The following SORBS2 variants were observed in gnomAD, a reference collection of about 807,000 sequenced individuals.
The protein encoded by SORBS2 is sorbin and SH3 domain-containing protein 2.
A neutral mutation model predicts 97.7 loss-of-function variants in SORBS2; 46 were observed. The observed-to-expected ratio is 0.47, with a 90% CI of 0.37 to 0.60. SORBS2 has a LOEUF of 0.60. SORBS2 is among the 20% of genes least tolerant of loss of function. The pLI, the probability that SORBS2 is intolerant of heterozygous loss-of-function variation, is 0.00. For missense variants in SORBS2, 1,316 were observed against 1,282.3 expected (o/e 1.03, Z -0.40); for synonymous variants, 476 against 473.4 (o/e 1.01, Z -0.07).
intron 1 of SORBS2, among the ~76,000 whole-genome samples, chr4:185,869,336 G>T (rs2099229090): frequency 6.6e-6 from 1 of 152,162 alleles, no homozygotes. Context: ...ATAACTGCAG[G>T]TTAAACAAAT....
At chr4:185,827,913 AT>A in intron 1 of SORBS2, among the ~76,000 whole-genome samples, 1 of 147,716 alleles carries the variant, frequency 6.8e-6, no homozygotes. Context: ...TCATACCATC[AT>A]CATCATCATC....
chr4:185,730,761 G>T (rs576872610), intron 2 of SORBS2, among the ~76,000 whole-genome samples: 1 of 152,330 alleles, frequency 6.6e-6, no homozygotes, highest in South Asian at 2.1e-4. Flanking sequence ...ACAGACTTGG[G>T]CAGGTCCAGG....
At chr4:185,918,919 T>A (rs1472265284) in intron 1 of SORBS2, among the ~76,000 whole-genome samples, 1 of 152,196 alleles carries the variant, frequency 6.6e-6, no homozygotes, top group Non-Finnish European at 1.5e-5. Context: ...GTATAATATA[T>A]ACATGTAACT....
intron 2 of SORBS2, among the ~76,000 whole-genome samples, chr4:185,743,757 C>T (rs2098741495): frequency 6.6e-6 from 1 of 151,392 alleles, no homozygotes; most frequent in African/African-American, 2.4e-5. Flanking sequence ...TCCTCCTCCT[C>T]CTCCTCTTCT....
rs547156389 is a variant in SORBS2, at chr4:185,617,105, C to A, written c.2351+1480G>T. On this transcript the variant is annotated intron_variant, in intron 9 of 14. Coordinates refer to ENST00000418609, the Ensembl canonical transcript of SORBS2. ...TCGTGAGCCTTGGGTGGACACCCTTCCTACTTCACATCCCCTGCCATTCCT... is the reference window on the plus strand; with the variant it reads ...TCGTGAGCCTTGGGTGGACACCCTTACTACTTCACATCCCCTGCCATTCCT... Among the ~76,000 whole-genome samples the A allele has an allele frequency of 6.6e-5, 10 of 152,340 alleles. No homozygotes were observed. The South Asian group carries it at 2.1e-3, about 32-fold the overall frequency.
Position 185,684,794 on chromosome 4 carries a change from A to T in SORBS2, c.-197-5972T>A. ...TTGGAGAACTTTGCACTCTCTTCAC[A>T]GATGTTAGCGTAACAGACATGGCGG... On this transcript the variant is annotated intron_variant, in intron 2 of 20. Transcript: ENST00000284776. The surrounding 1 kb of genome is among the most constrained non-coding windows in gnomAD (Gnocchi z 4.2). The T allele has an allele frequency of 6.4e-7, 1 of 1,552,034 alleles. No individual in the cohort carries two copies. The highest frequency in any genetic ancestry group is 8.7e-7 in the Non-Finnish European group (1 of 1,147,044).
intron 2 of SORBS2, among the ~76,000 whole-genome samples, chr4:185,729,966 T>C (rs2098601807): frequency 6.6e-6 from 1 of 152,202 alleles, no homozygotes; most frequent in Non-Finnish European, 1.5e-5. Context: ...TTTTTCTTTT[T>C]TTTTGAGATG....
Position 185,639,039 on chromosome 4 carries a change from C to A in SORBS2, c.396+7629G>T. 1 of 1,512,168 alleles carries A rather than the reference C, an allele frequency of 6.6e-7. No individual in the cohort carries two copies. The highest frequency in any genetic ancestry group is 1.4e-5 in the African/African-American group (1 of 69,950). The allele number at this position is 1,512,168 out of a possible 1,614,324, so 93.7% of individuals were successfully genotyped here. A position where few individuals can be genotyped will look rare whatever the true frequency, so the allele number is the denominator to read the frequency against. ...TCGGAGTTGTTGGGAGAGGGGGCTGCAAGAAAGAGGGGTGCAGAAACTGGT... is the reference window on the plus strand; with the variant it reads ...TCGGAGTTGTTGGGAGAGGGGGCTGAAAGAAAGAGGGGTGCAGAAACTGGT... On this transcript the variant is annotated intron_variant, in intron 4 of 14. Coordinates refer to ENST00000418609, the Ensembl canonical transcript of SORBS2.
chr4:185,642,841 A>G (rs1443134775), intron 4 of SORBS2, among the ~76,000 whole-genome samples: 1 of 152,214 alleles, frequency 6.6e-6, no homozygotes, highest in African/African-American at 2.4e-5. Flanking sequence ...TACTAATAGC[A>G]GTGTGTCAAA....
intron 12 of SORBS2, among the ~76,000 whole-genome samples, chr4:185,596,859 A>T (rs1224432371): frequency 6.6e-6 from 1 of 151,748 alleles, no homozygotes; most frequent in Non-Finnish European, 1.5e-5. Context: ...CCTGTTTCCC[A>T]ATTTCTCTTT....
intron 2 of SORBS2, among the ~76,000 whole-genome samples, chr4:185,701,149 C>G: frequency 6.6e-6 from 1 of 152,162 alleles, no homozygotes; most frequent in East Asian, 1.9e-4. Context: ...AGCCATTTCT[C>G]CCCCTTTTAT....
chr4:185,753,100 CATAA>C (rs1049718955), intron 2 of SORBS2, among the ~76,000 whole-genome samples: 3 of 152,230 alleles, frequency 2.0e-5, no homozygotes, highest in Non-Finnish European at 2.9e-5. Context: ...GCACGTTAGC[CATAA>C]ACAATTTCCA....
exon 15 of SORBS2, chr4:185,587,352 A>G (rs889598974): frequency 1.5e-5 from 5 of 330,764 alleles, no homozygotes; most frequent in African/African-American, 2.3e-5. Context: ...TTTAAATATC[A>G]TGATTTTTTT....
At chr4:185,649,418 A>T (rs2097271728) in intron 3 of SORBS2, 49 bp downstream of exon 12, 7 of 1,451,188 alleles carry the variant, frequency 4.8e-6, no homozygotes, top group Non-Finnish European at 6.4e-6. Context: ...ATGTAGACTT[A>T]TTTTTATCCT....
At chr4:185,860,066 T>C (rs2099222826) in intron 1 of SORBS2, among the ~76,000 whole-genome samples, 1 of 152,234 alleles carries the variant, frequency 6.6e-6, no homozygotes, top group African/African-American at 2.4e-5. Flanking sequence ...AGGTCACTTG[T>C]AATTGTATAA....
intron 12 of SORBS2, among the ~76,000 whole-genome samples, chr4:185,611,318 TTGTGTA>T (rs1561394995): frequency 6.6e-6 from 1 of 151,984 alleles, no homozygotes. Context: ...GTATTTTGTG[TTGTGTA>T]TATTTATATT....
At chr4:185,631,092 C>T (rs946419923) in intron 4 of SORBS2, among the ~76,000 whole-genome samples, 1 of 152,032 alleles carries the variant, frequency 6.6e-6, no homozygotes, top group African/African-American at 2.4e-5. Flanking sequence ...AACACATAAG[C>T]AGAACTTAAG....
chr4:185,805,423 A>G (rs538830037), intron 1 of SORBS2, among the ~76,000 whole-genome samples: 1 of 152,336 alleles, frequency 6.6e-6, no homozygotes, highest in South Asian at 2.1e-4. Context: ...TAAGCCGTTC[A>G]TTCATTCAGC....
intron 1 of SORBS2, among the ~76,000 whole-genome samples, chr4:185,938,910 C>T (rs1199963079): frequency 1.3e-5 from 2 of 152,170 alleles, no homozygotes; most frequent in Non-Finnish European, 2.9e-5. Flanking sequence ...ACGAAAGCAA[C>T]AAAGAAAAAG....
Sources: allele counts gnomAD v4.1 joint callset (sites outside exome capture counted in the v4.1 genomes callset), GRCh38; gene constraint gnomAD v4.1.1; non-coding constraint Gnocchi (gnomAD v3.1); transcripts MANE v1.5; gene names NCBI Gene and HGNC (gene_info 2026-07-23, HGNC 2026-07-21).